Variants in CSMD1 observed in about 807,000 individuals in gnomAD.
CSMD1 encodes the protein CUB and Sushi multiple domains 1.
CSMD1 carries 213 observed loss-of-function variants against 417.5 expected under a neutral mutation model. The ratio of observed to expected loss-of-function variants is 0.51; its 90% CI spans 0.46 to 0.57. CSMD1 has a LOEUF of 0.57. Ranked by LOEUF, CSMD1 falls within the 20% of genes least tolerant of loss-of-function variation. The pLI is 0.00. For missense variants in CSMD1, 6,923 were observed against 4,529.7 expected, an observed-to-expected ratio of 1.53 and a Z score of -15.17; for synonymous variants, 2,862 against 1,736.8, an observed-to-expected ratio of 1.65 and a Z score of -16.11.
At chr8:3,605,965 T>A (rs1255201648) in intron 8 of CSMD1, among the ~76,000 whole-genome samples, 2 of 152,060 alleles carry the variant, frequency 1.3e-5, no homozygotes, top group African/African-American at 4.8e-5. Context: ...AACAGAGGAG[T>A]CTTCTGCCTT....
chr8:4,097,604 T>C (rs550193780), intron 3 of CSMD1, among the ~76,000 whole-genome samples: 14 of 152,350 alleles, frequency 9.2e-5, no homozygotes, highest in African/African-American at 3.1e-4. Flanking sequence ...TTGATTAGCT[T>C]ATGTTGGAGA....
At chr8:3,881,886 G>T (rs550747086) in intron 5 of CSMD1, among the ~76,000 whole-genome samples, 2 of 152,044 alleles carry the variant, frequency 1.3e-5, no homozygotes, top group South Asian at 4.1e-4. Context: ...ATGGGGCTGG[G>T]TCAGTTGCAT....
At chr8:3,346,015 T>G (rs529863852) in intron 22 of CSMD1, among the ~76,000 whole-genome samples, 1 of 152,258 alleles carries the variant, frequency 6.6e-6, no homozygotes, top group East Asian at 1.9e-4. Context: ...ATTTTAGTCT[T>G]TATTATTACA....
intron 5 of CSMD1, among the ~76,000 whole-genome samples, chr8:3,831,246 G>T (rs991683415): frequency 6.6e-6 from 1 of 152,160 alleles, no homozygotes; most frequent in African/African-American, 2.4e-5. Flanking sequence ...AAAGTTTTGA[G>T]AGAATACTGC....
At chr8:3,978,443 C>G (rs1012177033) in intron 5 of CSMD1, among the ~76,000 whole-genome samples, 1 of 152,040 alleles carries the variant, frequency 6.6e-6, no homozygotes, top group Admixed American at 6.6e-5. Context: ...TGGAACCTAC[C>G]TACCAATACA....
rs1189727813 is a variant in CSMD1, at chr8:2,951,185, C to G, written c.10130G>C (p.Trp3377Ser). Residue 3377 changes from tryptophan (W) to serine (S), a missense_variant, in exon 66 of 70, where the codon TGG becomes TCG. Trp to Ser is a radical substitution (Grantham distance 177). Coordinates refer to ENST00000635120, the MANE Select transcript of CSMD1 (RefSeq NM_033225.6). The part of the protein sequence containing the change: ...KRQPATLTVD[W>S]FNATSSKVNA... Reference sequence around the variant, plus strand: ...CACCTTACTGCTTGTTGCATTGAACCAGTCAACAGTTAGAGTGGCGGGTTG... The same window carrying G: ...CACCTTACTGCTTGTTGCATTGAACGAGTCAACAGTTAGAGTGGCGGGTTG... 1.9e-6 allele frequency: 3 copies of G among 1,613,454 alleles called. No individual in the cohort carries two copies. Among genetic ancestry groups the G allele is most frequent in the African/African-American group, 2.7e-5 (2 of 74,898 alleles).
chr8:4,174,307 C>T (rs1043470263), intron 3 of CSMD1, among the ~76,000 whole-genome samples: 1 of 152,114 alleles, frequency 6.6e-6, no homozygotes, highest in African/African-American at 2.4e-5. Flanking sequence ...AAAGGTCATC[C>T]ACTACATGAC....
At chr8:3,696,013 G>T (rs985814133) in intron 7 of CSMD1, among the ~76,000 whole-genome samples, 20 of 152,102 alleles carry the variant, frequency 1.3e-4, no homozygotes, top group African/African-American at 4.1e-4. Flanking sequence ...ACTTGTGGAA[G>T]ACCTACCATT....
intron 8 of CSMD1, among the ~76,000 whole-genome samples, chr8:3,598,670 G>T (rs2117065111): frequency 6.6e-6 from 1 of 152,318 alleles, no homozygotes; most frequent in Non-Finnish European, 1.5e-5. Context: ...ATGAAAGAAT[G>T]AATCAGTAGC....
intron 49 of CSMD1, among the ~76,000 whole-genome samples, chr8:3,081,096 C>T (rs569026363): frequency 1.3e-5 from 2 of 152,164 alleles, no homozygotes; most frequent in East Asian, 1.9e-4. Flanking sequence ...GTATTTTGCC[C>T]GGGTCCGAGG....
At chr8:4,694,810 A>C (rs1422027937) in intron 1 of CSMD1, among the ~76,000 whole-genome samples, 1 of 152,006 alleles carries the variant, frequency 6.6e-6, no homozygotes, top group African/African-American at 2.4e-5. Context: ...TGGCAAAATA[A>C]ACTTTCTAAA....
chr8:4,285,114 G>A (rs564990937), intron 3 of CSMD1, among the ~76,000 whole-genome samples: 33 of 152,300 alleles, frequency 2.2e-4, no homozygotes, highest in African/African-American at 7.5e-4. Context: ...GAATGCTAAT[G>A]AGAAAAGTCC....
intron 1 of CSMD1, among the ~76,000 whole-genome samples, chr8:4,946,035 C>G (rs10107176): frequency 0.97 from 147,272 of 152,278 alleles, 71,339 homozygotes; most frequent in East Asian, 1. Context: ...CATCAGACTT[C>G]TCCCGTCTGC....
chr8:3,866,841 A>T (rs571629554), intron 5 of CSMD1, among the ~76,000 whole-genome samples: 1 of 152,132 alleles, frequency 6.6e-6, no homozygotes, highest in Non-Finnish European at 1.5e-5. Flanking sequence ...TTAATCAACT[A>T]AATTTACCAT....
chr8:3,457,824 C>T (rs555308555), intron 12 of CSMD1, among the ~76,000 whole-genome samples: 18 of 152,154 alleles, frequency 1.2e-4, no homozygotes, highest in African/African-American at 3.4e-4. Context: ...TTGTTGTATC[C>T]GATGCAGGGA....
intron 1 of CSMD1, among the ~76,000 whole-genome samples, chr8:4,829,251 A>G (rs901676858): frequency 9.9e-5 from 15 of 152,122 alleles, no homozygotes; most frequent in African/African-American, 3.4e-4. Flanking sequence ...AACCATTTTA[A>G]TATTTTTTCA....
At chr8:3,572,879 A>C (rs1459382239) in intron 10 of CSMD1, among the ~76,000 whole-genome samples, 1 of 152,202 alleles carries the variant, frequency 6.6e-6, no homozygotes, top group African/African-American at 2.4e-5. Flanking sequence ...TCTAACCTTC[A>C]GAACTTTTCT....
chr8:3,894,539 T>G (rs573042114), intron 5 of CSMD1, among the ~76,000 whole-genome samples: 2 of 152,330 alleles, frequency 1.3e-5, no homozygotes, highest in South Asian at 4.1e-4. Flanking sequence ...TATGATAGAT[T>G]CCTCAAAAGT....
At position 3,833,949 on chromosome 8, in the gene CSMD1, T is replaced by A. The variant is rs144605927; in HGVS notation, c.819-79907A>T. 5.8e-4 allele frequency among the ~76,000 whole-genome samples: 89 copies of A among 152,314 alleles called. 1 individual carries two copies. Among genetic ancestry groups the A allele is most frequent in the South Asian group, 4.8e-3 (23 of 4,828 alleles). ...TGTATTATTGGTTGGTTGTTGCTGT[T>A]GTTATTCTTTCAATTCACCTTTCCT... On this transcript the variant is annotated intron_variant, in intron 5 of 69. Coordinates refer to ENST00000635120, the MANE Select transcript of CSMD1 (RefSeq NM_033225.6).
Sources: gnomAD v4.1 joint callset for allele counts (sites outside exome capture counted in the v4.1 genomes callset) on GRCh38, gnomAD v4.1.1 for gene constraint, MANE v1.5 for transcripts, NCBI Gene and HGNC (gene_info 2026-07-23, HGNC 2026-07-21) for gene names.